CNTNAP2: variants seen among roughly 807,000 people sequenced by gnomAD.
CNTNAP2 encodes contactin associated protein 2, also known as contactin-associated protein-like 2.
In CNTNAP2, 98 loss-of-function variants were observed where a neutral mutation model predicts 155.2. The ratio of observed to expected loss-of-function variants is 0.63; its 90% CI spans 0.54 to 0.75. The LOEUF (loss-of-function observed/expected upper bound fraction) is 0.75, where lower values mean the gene tolerates loss of function less well. CNTNAP2 is among the 30% of genes least tolerant of loss of function. The probability of loss-of-function intolerance (pLI) is 0.00; values close to 1 mark genes in which losing one functional copy is unlikely to be tolerated. For missense variants in CNTNAP2, 1,727 were observed against 1,688.1 expected (o/e 1.02, Z -0.40); for synonymous variants, 651 against 631.2 (o/e 1.03, Z -0.47).
chr7:147,446,830 A>G (rs920679483), intron 10 of CNTNAP2, among the ~76,000 whole-genome samples: 36 of 152,220 alleles, frequency 2.4e-4, no homozygotes, highest in African/African-American at 7.7e-4. Context: ...TGCTTTCCAC[A>G]TAAAGAAGTA....
At chr7:147,024,642 A>T (rs1798869274) in intron 3 of CNTNAP2, among the ~76,000 whole-genome samples, 1 of 152,218 alleles carries the variant, frequency 6.6e-6, no homozygotes, top group Non-Finnish European at 1.5e-5. Context: ...AGCATGATGA[A>T]TGGGTCCTTG....
At chr7:146,295,390 A>G (rs1800497498) in intron 1 of CNTNAP2, among the ~76,000 whole-genome samples, 7 of 151,994 alleles carry the variant, frequency 4.6e-5, no homozygotes, top group Admixed American at 2.6e-4. Flanking sequence ...TGGTGGTTCT[A>G]CCCTTCCAGT....
At chr7:147,135,600 A>G (rs1202416738) in intron 8 of CNTNAP2, among the ~76,000 whole-genome samples, 1 of 151,802 alleles carries the variant, frequency 6.6e-6, no homozygotes, top group Non-Finnish European at 1.5e-5. Flanking sequence ...TAAAATTCAA[A>G]ACTCTGGGGA....
intron 1 of CNTNAP2, among the ~76,000 whole-genome samples, chr7:146,178,938 A>C (rs1233077223): frequency 6.6e-6 from 1 of 152,222 alleles, no homozygotes; most frequent in Non-Finnish European, 1.5e-5. Flanking sequence ...GCTATGATTT[A>C]GGGCTGCTGT....
chr7:146,277,627 G>A (rs1428073658), intron 1 of CNTNAP2, among the ~76,000 whole-genome samples: 1 of 152,132 alleles, frequency 6.6e-6, no homozygotes, highest in Non-Finnish European at 1.5e-5. Context: ...TAAGAAGTCA[G>A]GCATGTTTGG....
At position 147,041,369 on chromosome 7, in the gene CNTNAP2, G is replaced by T. The variant is rs1349571209; in HGVS notation, c.403-2538G>T. On this transcript the variant is annotated intron_variant, in intron 3 of 23. Coordinates refer to ENST00000361727, the MANE Select transcript of CNTNAP2 (RefSeq NM_014141.6). ...TTTGTGAGAGACATACAGGGGAAAG[G>T]AAAAGTATTTTTTTTAAGTCCTAGA... Among the ~76,000 whole-genome samples, 2 of 152,070 alleles carry T rather than the reference G, an allele frequency of 1.3e-5. 1 individual carries two copies. Among genetic ancestry groups the T allele is most frequent in the East Asian group, 3.9e-4 (2 of 5,186 alleles).
At position 146,480,972 on chromosome 7, in the gene CNTNAP2, G is replaced by T. The variant is rs1204828781; in HGVS notation, c.98-293299G>T. Among the ~76,000 whole-genome samples the T allele has an allele frequency of 2.0e-5, 3 of 151,632 alleles. No individual in the cohort carries two copies. In the East Asian group the frequency reaches 5.8e-4, roughly 29 times the overall value. On this transcript the variant is annotated intron_variant, in intron 1 of 23. Coordinates refer to ENST00000361727, the MANE Select transcript of CNTNAP2 (RefSeq NM_014141.6). ...TGGTACCACAGGCATGAGCCACCGC[G>T]CCCGGCCCCCAGAACCTGGTATATT...
chr7:146,482,936 C>A (rs1000281406), intron 1 of CNTNAP2, among the ~76,000 whole-genome samples: 2 of 151,808 alleles, frequency 1.3e-5, no homozygotes, highest in Non-Finnish European at 2.9e-5. Context: ...TTCTCATTTA[C>A]TATCTCTTCA....
At chr7:147,635,845 C>T (rs890960799) in intron 12 of CNTNAP2, among the ~76,000 whole-genome samples, 1 of 151,662 alleles carries the variant, frequency 6.6e-6, no homozygotes, top group Non-Finnish European at 1.5e-5. Context: ...CATCATGAGT[C>T]AAAGAAAGAT....
chr7:147,711,624 G>A (rs1242237082), intron 13 of CNTNAP2, among the ~76,000 whole-genome samples: 2 of 152,160 alleles, frequency 1.3e-5, no homozygotes, highest in African/African-American at 2.4e-5. Flanking sequence ...AGCTGCCAGA[G>A]CAGCCATTTC....
At position 147,520,701 on chromosome 7, in the gene CNTNAP2, G is replaced by A. The variant is rs150837555; in HGVS notation, c.1777+34660G>A. Among the ~76,000 whole-genome samples the A allele has an allele frequency of 3.2e-3, 485 of 152,240 alleles. 1 individual carries two copies. Among genetic ancestry groups the A allele is most frequent in the African/African-American group, 0.011 (444 of 41,540 alleles). ...AGAGCATTTGACCCTAATGAGTGTC[G>A]TTATAGAAAAGTTAGAACCTTTCTA... is the stretch of plus-strand genomic sequence containing the variant. On this transcript the variant is annotated intron_variant, in intron 11 of 23. Coordinates refer to ENST00000361727, the MANE Select transcript of CNTNAP2 (RefSeq NM_014141.6).
chr7:148,409,444 G>A lies in CNTNAP2; in HGVS notation c.3769G>A (p.Val1257Ile). ...PGQGQAIRNGVNRNSAIIGGV... is the reference protein window; with the variant it reads ...PGQGQAIRNGINRNSAIIGGV... Reference sequence around the variant, plus strand: ...ACAAGGCCAAGCTATAAGAAATGGAGTCAACAGAAACTCGGCTATCATTGG... The same window carrying A: ...ACAAGGCCAAGCTATAAGAAATGGAATCAACAGAAACTCGGCTATCATTGG... Residue 1257 changes from valine to isoleucine, a missense_variant, in exon 23 of 24, where the codon GTC (valine) becomes ATC (isoleucine). Val to Ile is a conservative substitution (Grantham distance 29). Transcript: ENST00000361727. 3 of 1,613,922 alleles carry A rather than the reference G, an allele frequency of 1.9e-6. 1 individual carries two copies. Among genetic ancestry groups the A allele is most frequent in the South Asian group, 2.2e-5 (2 of 91,076 alleles).
chr7:148,154,598 G>T (rs375387591), intron 17 of CNTNAP2, among the ~76,000 whole-genome samples: 17 of 152,292 alleles, frequency 1.1e-4, no homozygotes, highest in Middle Eastern at 3.4e-3. Context: ...ATCTATGTAT[G>T]AATAAAATGG....
chr7:147,555,733 T>C (rs1799939898), intron 11 of CNTNAP2, among the ~76,000 whole-genome samples: 1 of 152,248 alleles, frequency 6.6e-6, no homozygotes, highest in Non-Finnish European at 1.5e-5. Flanking sequence ...GTGATCCTCA[T>C]GCTTTTCAAG....
chr7:147,341,046 C>T (rs188619476), intron 9 of CNTNAP2, among the ~76,000 whole-genome samples: 7 of 147,876 alleles, frequency 4.7e-5, no homozygotes, highest in African/African-American at 1.8e-4. Context: ...TATAGACATG[C>T]CTGCCTCTTC....
At chr7:147,221,553 C>T (rs1396207866) in intron 8 of CNTNAP2, among the ~76,000 whole-genome samples, 1 of 152,158 alleles carries the variant, frequency 6.6e-6, no homozygotes, top group Non-Finnish European at 1.5e-5. Flanking sequence ...CACCAGCCCT[C>T]CCTAGGACCC....
At chr7:147,560,349 A>G (rs1405398953) in intron 11 of CNTNAP2, among the ~76,000 whole-genome samples, 1 of 152,082 alleles carries the variant, frequency 6.6e-6, no homozygotes, top group East Asian at 1.9e-4. Flanking sequence ...CAGAGTTTTC[A>G]TTCTGTATAA....
At chr7:146,566,527 C>G (rs1247210183) in intron 1 of CNTNAP2, among the ~76,000 whole-genome samples, 3 of 151,910 alleles carry the variant, frequency 2.0e-5, no homozygotes, top group Non-Finnish European at 2.9e-5. Context: ...AACCCCGTCT[C>G]TACTAAAATT....
chr7:147,735,280 C>T (rs1412521206), intron 13 of CNTNAP2, among the ~76,000 whole-genome samples: 1 of 152,118 alleles, frequency 6.6e-6, no homozygotes, highest in East Asian at 1.9e-4. Flanking sequence ...TTATTATGTA[C>T]TTAGTAGTCA....
Sources: gnomAD v4.1 joint callset for allele counts (sites outside exome capture counted in the v4.1 genomes callset) on GRCh38, gnomAD v4.1.1 for gene constraint, MANE v1.5 for transcripts, NCBI Gene and HGNC (gene_info 2026-07-23, HGNC 2026-07-21) for gene names.